Variants in TRIM21 observed in about 807,000 individuals in gnomAD.
TRIM21 encodes tripartite motif containing 21.
A neutral mutation model predicts 36.1 loss-of-function variants in TRIM21; 35 were observed. The observed-to-expected ratio is 0.97, with a 90% CI of 0.74 to 1.28. The LOEUF (loss-of-function observed/expected upper bound fraction) is 1.28. TRIM21 is among the 50% of genes most tolerant of loss of function. The pLI is 0.00. For synonymous variants in TRIM21, 256 were observed against 211.5 expected (o/e 1.21, Z -1.83); for missense variants, 635 against 570.7 (o/e 1.11, Z -1.15).
chr11:4,393,291 G>A (rs1216373257), intron 1 of TRIM21, among the ~76,000 whole-genome samples: 2 of 152,246 alleles, frequency 1.3e-5, no homozygotes, highest in African/African-American at 2.4e-5. Flanking sequence ...ACACCCAGCC[G>A]TCATCCTAGG....
chr11:4,386,292 A>T, intron 5 of TRIM21, 35 bp from the exon 6 acceptor site: 1 of 1,543,028 alleles, frequency 6.5e-7, no homozygotes, highest in Non-Finnish European at 9.0e-7. Flanking sequence ...CCTGTCTCCT[A>T]CTCCTATCCC....
chr11:4,391,481 G>A (rs1433079312), intron 1 of TRIM21, among the ~76,000 whole-genome samples: 1 of 152,094 alleles, frequency 6.6e-6, no homozygotes, highest in African/African-American at 2.4e-5. Flanking sequence ...TTGGTGGGAA[G>A]GTAAATTAGT....
chr11:4,386,818 C>T (rs2094956743), intron 5 of TRIM21, 150 bp downstream of exon 5: 2 of 778,142 alleles, frequency 2.6e-6, no homozygotes, highest in Middle Eastern at 2.3e-4. Context: ...TTTCTGAGAC[C>T]AGAAAATATT....
At position 4,385,828 on chromosome 11, in the gene TRIM21, T is replaced by C; in HGVS notation, c.885A>G (p.Thr295=). The C allele has an allele frequency of 1.2e-6, 2 of 1,611,756 alleles. No individual in the cohort carries two copies. Among genetic ancestry groups the C allele is most frequent in the Non-Finnish European group, 1.7e-6 (2 of 1,178,858 alleles). ...CAVHITLDPD[T]ANPWLILSED... ...CTGAAAGTATCAGCCACGGATTGGC[T>C]GTGTCTGGATCCAGAGTGATGTGGA... Residue 295 remains threonine (T), a synonymous_variant, in exon 7 of 7, where the codon ACA becomes ACG. Coordinates refer to ENST00000254436, the MANE Select transcript of TRIM21 (RefSeq NM_003141.4).
At chr11:4,392,621 CA>C (rs2094964380) in intron 1 of TRIM21, among the ~76,000 whole-genome samples, 1 of 139,404 alleles carries the variant, frequency 7.2e-6, no homozygotes, top group Non-Finnish European at 1.6e-5. Flanking sequence ...CAATTAATGT[CA>C]AAAACAGTAA....
intron 4 of TRIM21, among the ~76,000 whole-genome samples, chr11:4,387,682 C>T (rs1398122829): frequency 6.6e-6 from 1 of 152,020 alleles, no homozygotes; most frequent in Non-Finnish European, 1.5e-5. Flanking sequence ...ATGGAGAAAT[C>T]CCATCTCTAC....
At chr11:4,390,500 C>T in intron 1 of TRIM21, 42 bp from the exon 2 acceptor site, 1 of 1,372,574 alleles carries the variant, frequency 7.3e-7, no homozygotes, top group South Asian at 1.5e-5. Context: ...ATGAGAAAGT[C>T]TGTGTAAGAA....
Position 4,385,264 on chromosome 11 carries a change from G to A in TRIM21, c.*21C>T, listed in dbSNP as rs2094954754. The A allele has an allele frequency of 3.1e-6, 5 of 1,592,454 alleles. No individual in the cohort carries two copies. Among genetic ancestry groups the A allele is most frequent in the Non-Finnish European group, 2.6e-6 (3 of 1,168,352 alleles). Reference sequence around the variant, plus strand: ...GAGAAGCGGTGCCAATGGGGAGAGTGGCAGTGTCCAGAGAAAGCCATCAAT... The same window carrying A: ...GAGAAGCGGTGCCAATGGGGAGAGTAGCAGTGTCCAGAGAAAGCCATCAAT... On this transcript the variant is annotated 3_prime_UTR_variant, in exon 7 of 7. Coordinates refer to ENST00000254436, the MANE Select transcript of TRIM21 (RefSeq NM_003141.4).
Position 4,387,730 on chromosome 11 carries a change from C to T in TRIM21, c.735+570G>A, listed in dbSNP as rs1420352491. On this transcript the variant is annotated intron_variant, in intron 4 of 6. Coordinates refer to ENST00000254436, the MANE Select transcript of TRIM21 (RefSeq NM_003141.4). The stretch of plus-strand genomic sequence containing the variant: ...ATTAGCCAGGTGTGGTGATGTGAGG[C>T]TGAGGCAGGAGAATCGCTTGAACCC... Among the ~76,000 whole-genome samples, 4 of 152,072 alleles carry T rather than the reference C, an allele frequency of 2.6e-5. No individual in the cohort carries two copies. The South Asian group carries it at 8.3e-4, about 32-fold the overall frequency.
In TRIM21 at chr11:4,385,431, A is replaced by C. The variant is rs2094955112; in HGVS notation, c.1282T>G (p.Ser428Ala). ...CATTCAGAGAAGGAGTAGATGAGGG[A>C]GCCATGGTCAGTGATGTTGTAGAAG... ...VSFYNITDHGSLIYSFSECAF... is the reference protein window; with the variant it reads ...VSFYNITDHGALIYSFSECAF... Residue 428 changes from serine (S) to alanine (A), a missense_variant, in exon 7 of 7, where the codon TCC becomes GCC. Ser to Ala is a moderately conservative substitution (Grantham distance 99, BLOSUM62 1). Coordinates refer to ENST00000254436, the MANE Select transcript of TRIM21 (RefSeq NM_003141.4). 1 of 1,613,622 alleles carries C rather than the reference A, an allele frequency of 6.2e-7. No individual in the cohort carries two copies. The highest frequency in any genetic ancestry group is 8.5e-7 in the Non-Finnish European group (1 of 1,179,786).
chr11:4,388,357 C>A lies in TRIM21; in HGVS notation c.678G>T (p.Gln226His), dbSNP rs376986186. 7 of 1,613,892 alleles carry A rather than the reference C, an allele frequency of 4.3e-6. No individual in the cohort carries two copies. Among genetic ancestry groups the A allele is most frequent in the African/African-American group, 1.3e-5 (1 of 74,930 alleles). ...TTCGATCTAGCTCTGAGATGAGCTC[C>A]TGTAGGGCCTGGCTCTGCTGGGCCA... is the stretch of plus-strand genomic sequence containing the variant. Reference protein sequence around the residue: ...AKLAQQSQALQELISELDRRC... With the variant: ...AKLAQQSQALHELISELDRRC... The change falls in exon 4 of 7, where the codon CAG (glutamine) becomes CAT (histidine). Residue 226 changes from glutamine to histidine, a missense_variant. Transcript: ENST00000254436.
chr11:4,388,577 C>A, intron 3 of TRIM21, 47 bp from the exon 4 acceptor site: 1 of 1,580,562 alleles, frequency 6.3e-7, no homozygotes, highest in South Asian at 1.1e-5. Flanking sequence ...GAAAATCTCC[C>A]AAGCTTTGGG....
chr11:4,386,328 G>C (rs759398283), intron 5 of TRIM21, 71 bp from the exon 6 acceptor site: 1 of 1,216,846 alleles, frequency 8.2e-7, no homozygotes, highest in East Asian at 2.4e-5. Flanking sequence ...AACCTCCATT[G>C]TGGAGGACTC....
At position 4,387,570 on chromosome 11, in the gene TRIM21, T is replaced by C. The variant is rs532789702; in HGVS notation, c.736-580A>G. Among the ~76,000 whole-genome samples the C allele has an allele frequency of 4.6e-5, 7 of 152,234 alleles. No homozygotes were observed. In the East Asian group the frequency reaches 1.2e-3, roughly 25 times the overall value. ...TCAAAAGTGTGTTGGAAAGCCTGGT[T>C]TACAGACAGGTGTAGTGGCTCACTC... On this transcript the variant is annotated intron_variant, in intron 4 of 6. Transcript: ENST00000254436.
rs753047874 is a variant in TRIM21 at position 4,389,761 on chromosome 11, GAC to G, written c.409-14_409-13del. ...ACCTGGAGCTTCTCCTGCAGAGAAA[GAC>G]AGCTTATTCGTCCCCCATGCAAACC... On this transcript the variant is annotated splice_polypyrimidine_tract_variant and intron_variant, in intron 2 of 6. Coordinates refer to ENST00000254436, the MANE Select transcript of TRIM21 (RefSeq NM_003141.4). 32 of 1,612,936 alleles carry G rather than the reference GAC, an allele frequency of 2.0e-5. No homozygotes were observed. Among genetic ancestry groups the G allele is most frequent in the Admixed American group, 5.0e-5 (3 of 60,022 alleles).
chr11:4,393,482 G>A (rs1426377), intron 1 of TRIM21, among the ~76,000 whole-genome samples, 151 bp downstream of exon 1: 1 of 152,194 alleles, frequency 6.6e-6, no homozygotes, highest in African/African-American at 2.4e-5. Flanking sequence ...CGGAAGCGCA[G>A]CTGGTCTTGG....
chr11:4,388,456 T>A lies in TRIM21; in HGVS notation c.579A>T (p.Glu193Asp). 1.2e-6 allele frequency: 2 copies of A among 1,613,700 alleles called. No individual in the cohort carries two copies. Among genetic ancestry groups the A allele is most frequent in the Non-Finnish European group, 8.5e-7 (1 of 1,179,866 alleles). Residue 193 changes from glutamate (E) to aspartate (D), a missense_variant, in exon 4 of 7, where the codon GAA becomes GAT. Coordinates refer to ENST00000254436, the MANE Select transcript of TRIM21 (RefSeq NM_003141.4). ...VQQKNFLVEE[E>D]QRQLQELEKD... ...TCTCCAGCTCCTGCAGCTGCCTCTG[T>A]TCTTCTTCAACCAGGAAGTTTTTTT...
chr11:4,386,459 C>G (rs1447256269), intron 5 of TRIM21: 1 of 629,176 alleles, frequency 1.6e-6, no homozygotes, highest in East Asian at 2.8e-5. Context: ...TTATAGGAGG[C>G]TCTGCAGCAT....
chr11:4,387,963 T>C lies in TRIM21; in HGVS notation c.735+337A>G, dbSNP rs77179414. Among the ~76,000 whole-genome samples, 1,308 of 152,280 alleles carry C rather than the reference T, an allele frequency of 8.6e-3. 13 individuals carry two copies. The highest frequency in any genetic ancestry group is 0.03 in the African/African-American group (1,260 of 41,536). ...AGCAATGGCTCATGACCACTCTGAG[T>C]GACACTGAACAGGTGTGGGAAAAGA... On this transcript the variant is annotated intron_variant, in intron 4 of 6. Transcript: ENST00000254436.
Sources: allele counts gnomAD v4.1 joint callset (sites outside exome capture counted in the v4.1 genomes callset), GRCh38; gene constraint gnomAD v4.1.1; transcripts MANE v1.5; gene names NCBI Gene and HGNC (gene_info 2026-07-23, HGNC 2026-07-21).